The following FAM107A variants were observed in gnomAD, a reference collection of about 807,000 sequenced individuals.
The protein encoded by FAM107A is family with sequence similarity 107 member A.
A neutral mutation model predicts 13.7 loss-of-function variants in FAM107A; 19 were observed. The observed-to-expected ratio is 1.38, with a 90% CI of 0.97 to 2.03. FAM107A has a LOEUF of 2.03. Ranked by LOEUF, FAM107A falls within the 30% of genes most tolerant of loss-of-function variation. FAM107A has a pLI of 0.00. For missense variants in FAM107A, 203 were observed against 184.4 expected (o/e 1.10, Z -0.58); for synonymous variants, 82 against 74.5 (o/e 1.10, Z -0.52).
chr3:58,583,063 C>A (rs953931719), intron 1 of FAM107A, among the ~76,000 whole-genome samples: 1 of 152,110 alleles, frequency 6.6e-6, no homozygotes, highest in Non-Finnish European at 1.5e-5. Context: ...CCTCGCAGAG[C>A]GTTGGGATTA....
chr3:58,572,647 T>A (rs2063695520), intron 1 of FAM107A: 1 of 149,616 alleles, frequency 6.7e-6, no homozygotes, highest in African/African-American at 2.4e-5. Context: ...AAGGTTATTC[T>A]CGCTGCTGTG....
chr3:58,602,571 G>A (rs558494686), intron 1 of FAM107A, among the ~76,000 whole-genome samples: 1 of 152,084 alleles, frequency 6.6e-6, no homozygotes, highest in Non-Finnish European at 1.5e-5. Flanking sequence ...CAGCGATAGG[G>A]GATTGATTAA....
At chr3:58,583,292 G>A (rs925813811) in intron 1 of FAM107A, among the ~76,000 whole-genome samples, 2 of 152,116 alleles carry the variant, frequency 1.3e-5, no homozygotes, top group Non-Finnish European at 2.9e-5. Context: ...TCAATTTCTC[G>A]AAATATCTAT....
At chr3:58,627,083 A>G (rs117406081) in intron 1 of FAM107A, 2 of 1,358,680 alleles carry the variant, frequency 1.5e-6, no homozygotes, top group Non-Finnish European at 2.0e-6. Context: ...CCAGGACCCA[A>G]GGGGCTCCCG....
At chr3:58,570,583 CAGAGAGAGAGAGAGAGAGAGAGAGAG>C (rs371909507) in intron 1 of FAM107A, among the ~76,000 whole-genome samples, 17 of 91,040 alleles carry the variant, frequency 1.9e-4, no homozygotes, top group African/African-American at 5.2e-4. Context: ...GCAAATACAG[CAGAGAGAGAGAGAGAGAGAGAGAGAG>C]AGAGAGAGAG....
chr3:58,569,556 T>C lies in FAM107A; in HGVS notation c.170+135A>G. The C allele has an allele frequency of 1.4e-6, 1 of 728,442 alleles. No homozygotes were observed. The highest frequency in any genetic ancestry group is 2.3e-6 in the Non-Finnish European group (1 of 438,454). The allele number at this position is 728,442 out of a possible 1,614,324, so 45.1% of individuals were successfully genotyped here. On this transcript the variant is annotated intron_variant, in intron 2 of 3. Transcript: ENST00000360997. This position sits in a 1 kb window ranked among gnomAD's most constrained non-coding sequence, Gnocchi z 5.7. ...TTTACAGGTTTTGCCGGTGATCATG[T>C]GGGGCACCTCAGCCTTCCTCAGTCT...
Position 58,564,470 on chromosome 3 carries a change from G to A in FAM107A, c.*2118C>T, listed in dbSNP as rs2063600680. 1 of 152,288 alleles carries A rather than the reference G, an allele frequency of 6.6e-6. No homozygotes were observed. Among genetic ancestry groups the A allele is most frequent in the South Asian group, 2.1e-4 (1 of 4,834 alleles). The allele number at this position is 152,288 out of a possible 1,614,324, so 9.4% of individuals were successfully genotyped here. On this transcript the variant is annotated 3_prime_UTR_variant, in exon 4 of 4. Transcript: ENST00000360997. The surrounding 1 kb of genome is among the most constrained non-coding windows in gnomAD (Gnocchi z 5.6). ...GATTTACAGCCTCCACAGTTGGAGT[G>A]GCTGGAGATACAGAGTTGGGACGAC... is the stretch of plus-strand genomic sequence containing the variant.
At chr3:58,599,185 G>A (rs181254272) in intron 1 of FAM107A, among the ~76,000 whole-genome samples, 1 of 151,922 alleles carries the variant, frequency 6.6e-6, no homozygotes, top group Admixed American at 6.6e-5. Context: ...CAAATCATCC[G>A]CCTGCCTCAG....
intron 1 of FAM107A, among the ~76,000 whole-genome samples, chr3:58,616,734 C>T (rs2065905133): frequency 6.6e-6 from 1 of 152,262 alleles, no homozygotes; most frequent in South Asian, 2.1e-4. Context: ...CAGCTTCTAG[C>T]CTCCAGAACT....
chr3:58,589,439 G>A (rs1041655884), upstream of FAM107A, among the ~76,000 whole-genome samples: 5 of 152,140 alleles, frequency 3.3e-5, no homozygotes. Flanking sequence ...GGATGTGTGT[G>A]TGTGTGTGTA....
Position 58,617,056 on chromosome 3 carries a change from G to A in FAM107A, c.-70+10360C>T, listed in dbSNP as rs147468288. ...CAAAGTGCTGGGATTACAGGCGTGA[G>A]CCACCGCGCCTGGCCTCGGCTACCC... On this transcript the variant is annotated intron_variant, in intron 1 of 3. Coordinates refer to the FAM107A transcript ENST00000465970. The surrounding 1 kb of genome is among the most constrained non-coding windows in gnomAD (Gnocchi z 4.5). Among the ~76,000 whole-genome samples the A allele has an allele frequency of 0.019, 2,949 of 152,296 alleles. 49 individuals are homozygous for A. Among genetic ancestry groups the A allele is most frequent in the South Asian group, 0.068 (327 of 4,822 alleles).
At chr3:58,627,356 T>G in intron 1 of FAM107A, 4 of 258,050 alleles carry the variant, frequency 1.6e-5, no homozygotes, top group East Asian at 7.8e-5. Flanking sequence ...CACACACCGG[T>G]AGCTCAGGCG....
chr3:58,566,686 G>T lies in FAM107A; in HGVS notation c.337C>A (p.Pro113Thr). The change falls in exon 4 of 4, where the codon CCA becomes ACA. Residue 113 changes from proline to threonine, a missense_variant. Physicochemically the swap from Pro to Thr is conservative, Grantham distance 38 (BLOSUM62 -1). Coordinates refer to ENST00000360997, the MANE Select transcript of FAM107A (RefSeq NM_001076778.3). ...RQQRLNQLEK[P>T]PEKEEDHAPE... is the part of the protein sequence containing the mutation. ...GCGTGATCCTCTTCCTTCTCTGGTG[G>T]TTTTTCCAGCTGAAGGAGGGAGAAG... 1 of 1,613,378 alleles carries T rather than the reference G, an allele frequency of 6.2e-7. No homozygotes were observed. The highest frequency in any genetic ancestry group is 8.5e-7 in the Non-Finnish European group (1 of 1,179,370).
In FAM107A at chr3:58,564,767, T is replaced by G. The variant is rs2063603556; in HGVS notation, c.*1821A>C. On this transcript the variant is annotated 3_prime_UTR_variant, in exon 4 of 4. Transcript: ENST00000360997. This position sits in a 1 kb window ranked among gnomAD's most constrained non-coding sequence, Gnocchi z 5.6. ...TCTTTATTTTAGGGATTGTGCATCT[T>G]CAGTGTAACCCTCACCTGGCAGACA... The G allele has an allele frequency of 6.6e-6, 1 of 152,300 alleles. No homozygotes were observed. The highest frequency in any genetic ancestry group is 2.4e-5 in the African/African-American group (1 of 41,468). 9.4% of individuals were successfully genotyped at this position (152,300 alleles called of 1,614,324 possible). A position where few individuals can be genotyped will look rare whatever the true frequency, so the allele number is the denominator to read the frequency against.
intron 1 of FAM107A, chr3:58,627,351 A>C: frequency 3.5e-6 from 1 of 287,086 alleles, no homozygotes; most frequent in African/African-American, 2.2e-5. Flanking sequence ...CTCATCACAC[A>C]CCGGTAGCTC....
At chr3:58,581,130 G>A (rs911133721), upstream of FAM107A, among the ~76,000 whole-genome samples, 4 of 152,236 alleles carry the variant, frequency 2.6e-5, no homozygotes, top group Non-Finnish European at 5.9e-5. Context: ...AGGACTCTGG[G>A]AAGCCAGGGG....
Position 58,569,702 on chromosome 3 carries a change from C to G in FAM107A, c.159G>C (p.Met53Ile). 1 of 1,613,394 alleles carries G rather than the reference C, an allele frequency of 6.2e-7. No individual in the cohort carries two copies. The highest frequency in any genetic ancestry group is 8.5e-7 in the Non-Finnish European group (1 of 1,179,762). The stretch of plus-strand genomic sequence containing the variant: ...GGCTTCATCCCTACCTTCTGTGGTT[C>G]ATGAGCAGCTCCCGGTGGAGCTCCT... Reference protein sequence around the residue: ...SHQELHRELLMNHRRGLGVDS... With the variant: ...SHQELHRELLINHRRGLGVDS... The change falls in exon 2 of 4, where the codon ATG becomes ATC. Residue 53 changes from methionine to isoleucine, a missense_variant. Transcript: ENST00000360997. The surrounding 1 kb of genome is among the most constrained non-coding windows in gnomAD (Gnocchi z 5.7).
intron 1 of FAM107A, among the ~76,000 whole-genome samples, chr3:58,597,759 C>T (rs1196142684): frequency 6.6e-6 from 1 of 152,168 alleles, no homozygotes; most frequent in Non-Finnish European, 1.5e-5. Context: ...GAGTGAAGTT[C>T]TTGTTTTACA....
At chr3:58,597,079 T>G (rs1234518461) in intron 1 of FAM107A, among the ~76,000 whole-genome samples, 1 of 152,234 alleles carries the variant, frequency 6.6e-6, no homozygotes. Context: ...TATGTCACAG[T>G]TTGCTGATAC....
Sources: allele counts gnomAD v4.1 joint callset (sites outside exome capture counted in the v4.1 genomes callset), GRCh38; gene constraint gnomAD v4.1.1; non-coding constraint Gnocchi (gnomAD v3.1); transcripts MANE v1.5; gene names NCBI Gene and HGNC (gene_info 2026-07-23, HGNC 2026-07-21).